PCLO: variants seen among roughly 807,000 people sequenced by gnomAD.
PCLO encodes the protein protein piccolo.
A neutral mutation model predicts 427.5 loss-of-function variants in PCLO; 82 were observed. That is an observed-to-expected ratio of 0.19 (90% CI 0.16 to 0.23). The LOEUF is 0.23. Ranked by LOEUF, PCLO falls within the 10% of genes least tolerant of loss-of-function variation. PCLO has a pLI of 1.00. For missense variants in PCLO, 6,239 were observed against 6,115.9 expected (o/e 1.02, Z -0.67); for synonymous variants, 2,357 against 2,155.4 (o/e 1.09, Z -2.59).
chr7:82,942,868 A>AT (rs1225173463), intron 6 of PCLO, among the ~76,000 whole-genome samples: 2 of 152,118 alleles, frequency 1.3e-5, no homozygotes, highest in African/African-American at 2.4e-5. Context: ...ATATATGATT[A>AT]TTTTTTTCTG....
intron 22 of PCLO, among the ~76,000 whole-genome samples, chr7:82,764,919 A>G (rs972447432): frequency 4.6e-5 from 7 of 151,960 alleles, no homozygotes; most frequent in African/African-American, 1.7e-4. Flanking sequence ...TAATCAATAA[A>G]GTAGATCTCA....
intron 3 of PCLO, among the ~76,000 whole-genome samples, chr7:83,001,634 T>TA (rs1244627249): frequency 2.0e-5 from 3 of 151,992 alleles, no homozygotes; most frequent in African/African-American, 7.2e-5. Flanking sequence ...CATGACCCTG[T>TA]AGGTTAGCTG....
At chr7:82,919,244 A>T (rs1794540591) in intron 6 of PCLO, among the ~76,000 whole-genome samples, 1 of 152,006 alleles carries the variant, frequency 6.6e-6, no homozygotes, top group South Asian at 2.1e-4. Flanking sequence ...AATTTTTAAA[A>T]AAGAGAAAAA....
intron 3 of PCLO, among the ~76,000 whole-genome samples, chr7:83,017,358 T>C (rs1394811254): frequency 6.6e-6 from 1 of 151,882 alleles, no homozygotes; most frequent in Non-Finnish European, 1.5e-5. Flanking sequence ...CAGGGTGTAA[T>C]TGAATAGGAC....
intron 9 of PCLO, among the ~76,000 whole-genome samples, chr7:82,896,408 T>C (rs1018485517): frequency 1.3e-5 from 2 of 151,700 alleles, no homozygotes; most frequent in African/African-American, 4.8e-5. Context: ...AACTGTATAT[T>C]GAATGATCCA....
At chr7:83,020,248 G>A (rs1283496577) in intron 3 of PCLO, among the ~76,000 whole-genome samples, 3 of 152,072 alleles carry the variant, frequency 2.0e-5, no homozygotes, top group Admixed American at 2.0e-4. Context: ...GTTTTGTGTT[G>A]TTGATGCATG....
Position 82,822,485 on chromosome 7 carries a change from C to T in PCLO, c.14791+10G>A, listed in dbSNP as rs567145523. 3.5e-5 allele frequency: 56 copies of T among 1,613,728 alleles called. No homozygotes were observed. Among genetic ancestry groups the T allele is most frequent in the Non-Finnish European group, 4.2e-5 (50 of 1,179,800 alleles). On this transcript the variant is annotated intron_variant, in intron 20 of 24. Coordinates refer to ENST00000333891, the MANE Select transcript of PCLO (RefSeq NM_033026.6). The stretch of plus-strand genomic sequence containing the variant: ...GCTGCCATGCTGAGGAATTTATTTG[C>T]GTCTTTTACTTGGTTGAATGCGGAG...
At chr7:83,101,954 GAAC>G (rs1382059032) in intron 3 of PCLO, among the ~76,000 whole-genome samples, 1 of 151,890 alleles carries the variant, frequency 6.6e-6, no homozygotes, top group Admixed American at 6.6e-5. Flanking sequence ...AGAGTCAAAA[GAAC>G]AACATGATTT....
chr7:83,103,702 T>A (rs921083215), intron 3 of PCLO, among the ~76,000 whole-genome samples: 2 of 151,932 alleles, frequency 1.3e-5, no homozygotes, highest in Non-Finnish European at 2.9e-5. Flanking sequence ...CACTAAAATT[T>A]CAAAATAATT....
intron 16 of PCLO, among the ~76,000 whole-genome samples, chr7:82,829,841 G>A (rs745955668): frequency 2.6e-5 from 4 of 151,750 alleles, no homozygotes; most frequent in African/African-American, 4.8e-5. Flanking sequence ...ATAGAAGAAC[G>A]AATAAATACA....
At chr7:83,078,243 T>C (rs1790005727) in intron 3 of PCLO, among the ~76,000 whole-genome samples, 1 of 152,152 alleles carries the variant, frequency 6.6e-6, no homozygotes, top group African/African-American at 2.4e-5. Context: ...CAAAGAGATT[T>C]GCTAGATACC....
chr7:82,946,465 G>A (rs963285923), intron 6 of PCLO, among the ~76,000 whole-genome samples: 1 of 152,038 alleles, frequency 6.6e-6, no homozygotes, highest in African/African-American at 2.4e-5. Context: ...AAATTTAGAG[G>A]CAGAAATAGA....
chr7:83,097,031 T>TA (rs1431546386), intron 3 of PCLO, among the ~76,000 whole-genome samples: 1 of 34,016 alleles, frequency 2.9e-5, no homozygotes, highest in African/African-American at 1.6e-4. Flanking sequence ...ATTATATAAA[T>TA]ATATATTATA....
intron 14 of PCLO, 144 bp downstream of exon 14, chr7:82,841,315 C>G: frequency 7.7e-6 from 5 of 646,752 alleles, no homozygotes; most frequent in South Asian, 5.4e-5. Flanking sequence ...ATATACTATT[C>G]TATAAAATTG....
At chr7:82,910,759 T>C (rs1794302455) in intron 7 of PCLO, among the ~76,000 whole-genome samples, 2 of 152,302 alleles carry the variant, frequency 1.3e-5, no homozygotes, top group Admixed American at 6.5e-5. Context: ...TCAATAATTA[T>C]GGTTTTCCAG....
At chr7:82,805,563 T>C (rs1791439896) in intron 21 of PCLO, 125 bp downstream of exon 21, 1 of 829,310 alleles carries the variant, frequency 1.2e-6, no homozygotes. Context: ...GCATTAACAG[T>C]TCAAGTGTCT....
intron 3 of PCLO, among the ~76,000 whole-genome samples, chr7:83,033,917 T>C (rs909897145): frequency 6.6e-6 from 1 of 152,190 alleles, no homozygotes; most frequent in South Asian, 2.1e-4. Context: ...GTCATTTAAT[T>C]CATTCCAAGA....
intron 2 of PCLO, among the ~76,000 whole-genome samples, chr7:83,148,778 C>G (rs1792058761): frequency 6.6e-6 from 1 of 152,046 alleles, no homozygotes; most frequent in African/African-American, 2.4e-5. Context: ...GTCATTCATG[C>G]CATGTTATTG....
chr7:82,846,159 A>AC (rs1792496307), intron 12 of PCLO, among the ~76,000 whole-genome samples: 1 of 152,168 alleles, frequency 6.6e-6, no homozygotes, highest in African/African-American at 2.4e-5. Flanking sequence ...AAGGCAATGA[A>AC]AGAGTTCAGG....
Sources: gnomAD v4.1 joint callset for allele counts (sites outside exome capture counted in the v4.1 genomes callset) on GRCh38, gnomAD v4.1.1 for gene constraint, MANE v1.5 for transcripts, NCBI Gene and HGNC (gene_info 2026-07-23, HGNC 2026-07-21) for gene names.